SCN3A: variants seen among roughly 807,000 people sequenced by gnomAD.
The protein encoded by SCN3A is sodium channel protein type 3 subunit alpha.
SCN3A carries 60 observed loss-of-function variants against 187.6 expected under a neutral mutation model. That is an observed-to-expected ratio of 0.32 (90% CI 0.26 to 0.40). SCN3A has a LOEUF of 0.40. SCN3A is among the 10% of genes least tolerant of loss of function. The pLI is 1.00. For missense variants in SCN3A, 1,601 were observed against 2,428.2 expected, an observed-to-expected ratio of 0.66 and a Z score of 7.16; for synonymous variants, 788 against 829.2, an observed-to-expected ratio of 0.95 and a Z score of 0.85.
At chr2:165,138,602 A>G (rs1160503217) in intron 14 of SCN3A, among the ~76,000 whole-genome samples, 1 of 152,172 alleles carries the variant, frequency 6.6e-6, no homozygotes. Context: ...AGAACGTAGT[A>G]TGCCTTTCTT....
chr2:165,109,017 T>G (rs1051201613), intron 21 of SCN3A, among the ~76,000 whole-genome samples: 7 of 152,154 alleles, frequency 4.6e-5, no homozygotes, highest in African/African-American at 1.4e-4. Flanking sequence ...AAATGTCAAT[T>G]TTATATACCA....
intron 5 of SCN3A, 94 bp from the exon 6 acceptor site, chr2:165,164,614 T>C: frequency 7.3e-7 from 1 of 1,362,050 alleles, no homozygotes; most frequent in South Asian, 1.3e-5. Flanking sequence ...TTTGTGGTTT[T>C]TCAATTCATT....
chr2:165,133,185 G>A (rs554233027), intron 15 of SCN3A, among the ~76,000 whole-genome samples: 1 of 152,240 alleles, frequency 6.6e-6, no homozygotes, highest in South Asian at 2.1e-4. Flanking sequence ...CTGTTTGTGG[G>A]ACTGTAAACT....
intron 26 of SCN3A, chr2:165,094,141 C>G (rs1379384026): frequency 3.8e-6 from 2 of 531,264 alleles, no homozygotes; most frequent in Non-Finnish European, 6.7e-6. Context: ...TTATTAGGAA[C>G]CCTGAGCTAG....
intron 11 of SCN3A, among the ~76,000 whole-genome samples, chr2:165,152,652 T>A (rs980885982): frequency 6.6e-6 from 1 of 152,174 alleles, no homozygotes; most frequent in African/African-American, 2.4e-5. Flanking sequence ...CGCCACACTG[T>A]CTTCCACAAT....
chr2:165,121,209 A>G (rs1686658727), intron 18 of SCN3A, among the ~76,000 whole-genome samples: 1 of 152,156 alleles, frequency 6.6e-6, no homozygotes, highest in Non-Finnish European at 1.5e-5. Context: ...TTTGGAAGAC[A>G]CTGGCCATGT....
intron 17 of SCN3A, among the ~76,000 whole-genome samples, chr2:165,129,146 G>C (rs1687167822): frequency 6.6e-6 from 1 of 152,104 alleles, no homozygotes; most frequent in Non-Finnish European, 1.5e-5. Context: ...TTTTGAACAA[G>C]TTTATCTGAA....
intron 18 of SCN3A, among the ~76,000 whole-genome samples, chr2:165,119,543 T>C (rs1229247409): frequency 6.6e-6 from 1 of 152,166 alleles, no homozygotes; most frequent in Non-Finnish European, 1.5e-5. Context: ...TACATATCTA[T>C]ACTATATGCA....
intron 21 of SCN3A, among the ~76,000 whole-genome samples, chr2:165,111,909 C>T (rs2105703694): frequency 6.6e-6 from 1 of 152,226 alleles, no homozygotes; most frequent in Middle Eastern, 3.4e-3. Flanking sequence ...GGGTTAAACA[C>T]ATTTTGGTTA....
chr2:165,160,141 A>C (rs1689270393), intron 9 of SCN3A, among the ~76,000 whole-genome samples: 1 of 95,992 alleles, frequency 1.0e-5, no homozygotes, highest in Non-Finnish European at 1.8e-5. Flanking sequence ...AAAAAAACAA[A>C]AACAAAAACA....
In SCN3A at chr2:165,173,933, AG is replaced by A. The variant is rs1453270533; in HGVS notation, c.264+2197del. 6.6e-5 allele frequency among the ~76,000 whole-genome samples: 10 copies of A among 152,358 alleles called. 1 individual carries two copies. In the South Asian group the frequency reaches 1.0e-3, roughly 16 times the overall value. ...AAATCAGGGTCTAAGTCTGGCTCTC[AG>A]CCATGGAGGCAATAAAAATTGACTT... On this transcript the variant is annotated intron_variant, in intron 3 of 27. Transcript: ENST00000283254.
In SCN3A at chr2:165,158,947, T is replaced by A. The variant is rs536846211; in HGVS notation, c.1032-3044A>T. Among the ~76,000 whole-genome samples the A allele has an allele frequency of 3.3e-4, 45 of 138,010 alleles. 6 individuals are homozygous for A. The highest frequency in any genetic ancestry group is 5.4e-4 in the Non-Finnish European group (36 of 66,680). The allele number at this position is 138,010 out of a possible 152,430, so 90.5% of individuals were successfully genotyped here. On this transcript the variant is annotated intron_variant, in intron 9 of 27. Transcript: ENST00000283254. ...GTGAAGACATAAGTTTTCAAATTGATCAGCTAAATACCTAGAAGTGCAGTT... is the reference window on the plus strand; with the variant it reads ...GTGAAGACATAAGTTTTCAAATTGAACAGCTAAATACCTAGAAGTGCAGTT...
At chr2:165,175,379 A>G (rs1690387302) in intron 3 of SCN3A, among the ~76,000 whole-genome samples, 1 of 152,218 alleles carries the variant, frequency 6.6e-6, no homozygotes. Context: ...GTTTAACTAT[A>G]GAAACCAGCT....
intron 18 of SCN3A, among the ~76,000 whole-genome samples, chr2:165,119,983 C>A (rs1343759217): frequency 6.6e-6 from 1 of 152,180 alleles, no homozygotes; most frequent in African/African-American, 2.4e-5. Context: ...TTTCTCCCTA[C>A]TCCTCCAATA....
intron 7 of SCN3A, 148 bp downstream of exon 7, chr2:165,163,469 TA>T (rs1689535714): frequency 2.1e-6 from 2 of 966,118 alleles, no homozygotes; most frequent in Non-Finnish European, 3.2e-6. Flanking sequence ...TATAAAATTT[TA>T]GGAGCTAAAC....
At chr2:165,131,943 A>G (rs1258840447) in intron 15 of SCN3A, among the ~76,000 whole-genome samples, 2 of 151,894 alleles carry the variant, frequency 1.3e-5, no homozygotes, top group African/African-American at 4.8e-5. Context: ...ATCATTTTTT[A>G]TGGCTGCATA....
chr2:165,135,591 TTC>T (rs1687617089), intron 15 of SCN3A, among the ~76,000 whole-genome samples: 1 of 152,096 alleles, frequency 6.6e-6, no homozygotes, highest in South Asian at 2.1e-4. Context: ...ATGATAGAAA[TTC>T]TTTCTTTCTC....
At chr2:165,120,442 G>A (rs1321103235) in intron 18 of SCN3A, among the ~76,000 whole-genome samples, 1 of 151,692 alleles carries the variant, frequency 6.6e-6, no homozygotes, top group African/African-American at 2.4e-5. Context: ...AGAGATAGAA[G>A]AGAATGTTAG....
intron 15 of SCN3A, among the ~76,000 whole-genome samples, chr2:165,136,637 A>G (rs1490233279): frequency 2.0e-5 from 3 of 152,232 alleles, no homozygotes; most frequent in Admixed American, 2.0e-4. Flanking sequence ...GCTCTTTTGC[A>G]AAATCATGCT....
Sources: allele counts gnomAD v4.1 joint callset (sites outside exome capture counted in the v4.1 genomes callset), GRCh38; gene constraint gnomAD v4.1.1; transcripts MANE v1.5; gene names NCBI Gene and HGNC (gene_info 2026-07-23, HGNC 2026-07-21).